The following KCNMB2 variants were observed in gnomAD, a reference collection of about 807,000 sequenced individuals.
The protein encoded by KCNMB2 is calcium-activated potassium channel subunit beta-2.
A neutral mutation model predicts 24.5 loss-of-function variants in KCNMB2; 9 were observed. The observed-to-expected ratio is 0.37, with a 90% CI of 0.22 to 0.64. The LOEUF (loss-of-function observed/expected upper bound fraction) is 0.64. Among genes scored for constraint, KCNMB2 ranks in the 30% least tolerant of loss-of-function variants. KCNMB2 has a pLI of 0.63. For missense variants in KCNMB2, 226 were observed against 284.3 expected (o/e 0.79, Z 1.47); for synonymous variants, 109 against 104.4 (o/e 1.04, Z -0.27).
At chr3:178,555,625 C>G (rs1235925240) in intron 1 of KCNMB2, among the ~76,000 whole-genome samples, 1 of 152,148 alleles carries the variant, frequency 6.6e-6, no homozygotes, top group Non-Finnish European at 1.5e-5. Flanking sequence ...TGGTGAATAG[C>G]CATTTCCACT....
chr3:178,589,074 A>G (rs1717566330), intron 1 of KCNMB2, among the ~76,000 whole-genome samples: 1 of 152,210 alleles, frequency 6.6e-6, no homozygotes, highest in Admixed American at 6.5e-5. Context: ...ATGGCCTTAA[A>G]AAAGACTCTT....
intron 1 of KCNMB2, among the ~76,000 whole-genome samples, chr3:178,555,377 C>A (rs921068638): frequency 5.3e-5 from 8 of 152,186 alleles, no homozygotes; most frequent in African/African-American, 1.9e-4. Context: ...GGGATTTGGA[C>A]CTTGTCCTCT....
intron 1 of KCNMB2, among the ~76,000 whole-genome samples, chr3:178,618,719 T>C (rs1169971075): frequency 2.6e-5 from 4 of 152,256 alleles, no homozygotes; most frequent in Non-Finnish European, 5.9e-5. Context: ...CTGCTTTTTA[T>C]AGCCTTTTAC....
intron 1 of KCNMB2, among the ~76,000 whole-genome samples, chr3:178,766,081 G>A (rs1412035859): frequency 1.3e-5 from 2 of 152,006 alleles, no homozygotes; most frequent in Non-Finnish European, 2.9e-5. Context: ...GCCTGTCCAA[G>A]TCTCATTGAA....
chr3:178,750,313 C>T (rs910946596), intron 1 of KCNMB2, among the ~76,000 whole-genome samples: 2 of 151,486 alleles, frequency 1.3e-5, no homozygotes, highest in African/African-American at 4.9e-5. Flanking sequence ...TTTTTTCCCA[C>T]AAATGAATCT....
chr3:178,694,343 A>G (rs1019539130), intron 1 of KCNMB2, among the ~76,000 whole-genome samples: 6 of 152,190 alleles, frequency 3.9e-5, no homozygotes, highest in Admixed American at 3.9e-4. Flanking sequence ...GTGGAGACAC[A>G]GTCAAACCAT....
chr3:178,791,873 C>A (rs1004344732), intron 1 of KCNMB2, among the ~76,000 whole-genome samples: 5 of 151,434 alleles, frequency 3.3e-5, no homozygotes, highest in Non-Finnish European at 7.4e-5. Context: ...AAAAACTTTC[C>A]TCATAAAATA....
At chr3:178,569,966 C>T (rs775689173) in intron 1 of KCNMB2, among the ~76,000 whole-genome samples, 2 of 152,116 alleles carry the variant, frequency 1.3e-5, no homozygotes, top group Admixed American at 6.5e-5. Context: ...TGAAACGCAA[C>T]TCCTATAGTA....
intron 1 of KCNMB2, among the ~76,000 whole-genome samples, chr3:178,628,112 C>T (rs1272545444): frequency 6.6e-6 from 1 of 152,170 alleles, no homozygotes; most frequent in Non-Finnish European, 1.5e-5. Flanking sequence ...AAACAAACTT[C>T]TAATTATTAT....
At chr3:178,805,827 G>A (rs1341034013) in intron 1 of KCNMB2, among the ~76,000 whole-genome samples, 4 of 151,700 alleles carry the variant, frequency 2.6e-5, no homozygotes, top group Non-Finnish European at 5.9e-5. Context: ...ATGTAGAGAC[G>A]GGATCTTGCT....
intron 1 of KCNMB2, among the ~76,000 whole-genome samples, chr3:178,577,985 C>T (rs1322764212): frequency 6.6e-6 from 1 of 152,138 alleles, no homozygotes; most frequent in African/African-American, 2.4e-5. Context: ...CTTCCCCAAC[C>T]TAGCAAGGCA....
intron 1 of KCNMB2, among the ~76,000 whole-genome samples, chr3:178,682,873 C>A (rs993092843): frequency 1.3e-5 from 2 of 151,584 alleles, no homozygotes. Context: ...GAAAAAAAAA[C>A]AGATGTTGGC....
intron 1 of KCNMB2, among the ~76,000 whole-genome samples, chr3:178,544,785 G>A (rs950122011): frequency 1.3e-5 from 2 of 152,090 alleles, no homozygotes; most frequent in Non-Finnish European, 2.9e-5. Flanking sequence ...TAGGCAAGTA[G>A]TAAAATATGC....
rs1055574645 is a variant in KCNMB2 at position 178,843,930 on chromosome 3, T to C, written c.*993T>C. ...ATCTCCTTCTGACAAGCATTCCCTA[T>C]TGGGATTTTAAAGCTATGTGCACAG... On this transcript the variant is annotated 3_prime_UTR_variant, in exon 5 of 5. Transcript: ENST00000452583. The C allele has an allele frequency of 1.6e-4, 25 of 152,260 alleles. No homozygotes were observed. Among genetic ancestry groups the C allele is most frequent in the Admixed American group, 1.4e-3 (21 of 15,264 alleles). The allele number at this position is 152,260 out of a possible 1,614,324, so 9.4% of individuals were successfully genotyped here. A position where few individuals can be genotyped will look rare whatever the true frequency, so the allele number is the denominator to read the frequency against.
At chr3:178,812,315 C>T (rs1042693407) in intron 2 of KCNMB2, among the ~76,000 whole-genome samples, 1 of 151,514 alleles carries the variant, frequency 6.6e-6, no homozygotes, top group Non-Finnish European at 1.5e-5. Context: ...TATACAGGTG[C>T]CATGATGGTG....
intron 1 of KCNMB2, among the ~76,000 whole-genome samples, chr3:178,732,214 T>C (rs1467994812): frequency 6.6e-6 from 1 of 152,218 alleles, no homozygotes; most frequent in African/African-American, 2.4e-5. Context: ...AATAATAATA[T>C]TGTGATTGTG....
At chr3:178,732,476 A>G (rs1182638689) in intron 1 of KCNMB2, among the ~76,000 whole-genome samples, 3 of 152,154 alleles carry the variant, frequency 2.0e-5, no homozygotes, top group Non-Finnish European at 4.4e-5. Flanking sequence ...CATACTGTAA[A>G]GTATACTTTT....
chr3:178,647,790 G>A (rs534560633), intron 1 of KCNMB2, among the ~76,000 whole-genome samples: 8 of 152,110 alleles, frequency 5.3e-5, no homozygotes, highest in African/African-American at 9.7e-5. Context: ...AAAGAGCAAC[G>A]TGGACACGAT....
Position 178,828,382 on chromosome 3 carries a change from TTGGCGTAC to T in KCNMB2, c.423+12_423+19del. ...TAAAAATCAATCAGAAGGTAGGAAC[TTGGCGTAC>T]TGCATTTCAGTTACCCCACAGAGCT... On this transcript the variant is annotated intron_variant, in intron 4 of 4. Transcript: ENST00000452583. The T allele has an allele frequency of 1.9e-6, 3 of 1,605,434 alleles. No homozygotes were observed. Among genetic ancestry groups the T allele is most frequent in the South Asian group, 2.2e-5 (2 of 90,458 alleles).
Sources: allele counts gnomAD v4.1 joint callset (sites outside exome capture counted in the v4.1 genomes callset), GRCh38; gene constraint gnomAD v4.1.1; transcripts MANE v1.5; gene names NCBI Gene and HGNC (gene_info 2026-07-23, HGNC 2026-07-21).